PABIR3: variants seen among roughly 807,000 people sequenced by gnomAD.
PABIR3 encodes PABIR family member 1.
Under a neutral mutation model 23.1 loss-of-function variants are expected in PABIR3, and 20 were observed. That is an observed-to-expected ratio of 0.86 (90% CI 0.61 to 1.26). PABIR3 has a LOEUF of 1.26. Ranked by LOEUF, PABIR3 falls within the 50% of genes most tolerant of loss-of-function variation. The probability of loss-of-function intolerance (pLI) is 0.00; values close to 1 mark genes in which losing one functional copy is unlikely to be tolerated. For synonymous variants in PABIR3, 69 were observed against 68.5 expected, an observed-to-expected ratio of 1.01 and a Z score of -0.04; for missense variants, 189 against 195.4, an observed-to-expected ratio of 0.97 and a Z score of 0.20.
In PABIR3 at chrX:134,810,460, A is replaced by G; in HGVS notation, c.110+2752A>G. 5.3e-6 allele frequency: 4 copies of G among 754,548 alleles called. No homozygotes were observed. The South Asian group carries it at 2.7e-4, about 51-fold the overall frequency. 62.2% of individuals were successfully genotyped at this position (754,548 alleles called of 1,213,427 possible). A position where few individuals can be genotyped will look rare whatever the true frequency, so the allele number is the denominator to read the frequency against. Reference sequence around the variant, plus strand: ...AGAAACCACAAAGTGGACGGAGTCCAGGGACTCTAGTCTGTCAGAAAGAAG... The same window carrying G: ...AGAAACCACAAAGTGGACGGAGTCCGGGGACTCTAGTCTGTCAGAAAGAAG... On this transcript the variant is annotated intron_variant, in intron 2 of 10. Transcript: ENST00000645433.
chrX:134,828,047 C>CTCTA (rs1466733144), intron 3 of PABIR3, among the ~76,000 whole-genome samples: 932 of 49,390 alleles, frequency 0.019, 9 homozygotes, highest in Non-Finnish European at 0.021. Flanking sequence ...CTCTCTCTCT[C>CTCTA]TATATATATA....
intron 6 of PABIR3, among the ~76,000 whole-genome samples, chrX:134,846,609 C>A (rs1396206339): frequency 8.9e-6 from 1 of 111,927 alleles, no homozygotes; most frequent in Non-Finnish European, 1.9e-5. Context: ...GGAAATGGAT[C>A]ATCAGCAGAA....
chrX:134,818,810 A>G (rs1234610465), intron 3 of PABIR3, among the ~76,000 whole-genome samples: 1 of 110,865 alleles, frequency 9.0e-6, no homozygotes. Context: ...CTCAATAAAT[A>G]TGTGGGTTTT....
chrX:134,847,943 A>C lies in PABIR3; in HGVS notation c.499A>C (p.Ile167Leu). The change falls in exon 8 of 11, where the codon ATT becomes CTT. Residue 167 changes from isoleucine to leucine, a missense_variant. By Grantham distance (5) the Ile-to-Leu change is conservative (BLOSUM62 2). Coordinates refer to ENST00000645433, the MANE Select transcript of PABIR3 (RefSeq NM_001388447.1). ...TTGCACTGGTTCGCCTTCAAGTCCTATTCCCAGTCCTATGCAACAATACAT... is the reference window on the plus strand; with the variant it reads ...TTGCACTGGTTCGCCTTCAAGTCCTCTTCCCAGTCCTATGCAACAATACAT... ...VSCTGSPSSP[I>L]PSPMQQYIIR... is the part of the protein sequence containing the mutation. 1 of 1,153,980 alleles carries C rather than the reference A, an allele frequency of 8.7e-7. No homozygotes were observed. Among genetic ancestry groups the C allele is most frequent in the Non-Finnish European group, 1.1e-6 (1 of 871,189 alleles).
chrX:134,831,808 C>T (rs2081792959), intron 4 of PABIR3: 1 of 110,879 alleles, frequency 9.0e-6, no homozygotes, highest in Non-Finnish European at 1.9e-5. Context: ...CTATAGTCAC[C>T]CTGTTGTGCT....
At chrX:134,818,477 G>A (rs1199885783) in intron 3 of PABIR3, among the ~76,000 whole-genome samples, 1 of 111,785 alleles carries the variant, frequency 8.9e-6, no homozygotes, top group East Asian at 2.8e-4. Flanking sequence ...ACAAGGAAAA[G>A]TAGTAAGTCA....
At chrX:134,800,251 A>G (rs1173491725) in intron 1 of PABIR3, among the ~76,000 whole-genome samples, 1 of 107,289 alleles carries the variant, frequency 9.3e-6, no homozygotes, top group East Asian at 2.9e-4. Flanking sequence ...CAGTGAGTTG[A>G]GATCACACCA....
the PABIR3 span, among the ~76,000 whole-genome samples, chrX:134,863,791 T>G: frequency 9.0e-6 from 1 of 111,631 alleles, no homozygotes; most frequent in Non-Finnish European, 1.9e-5. Context: ...TTATTCTTTT[T>G]GCCATTCCTC....
At chrX:134,834,157 C>A (rs754127503) in intron 4 of PABIR3, 6 of 112,275 alleles carry the variant, frequency 5.3e-5, no homozygotes, top group Non-Finnish European at 7.5e-5. Context: ...GTTCCTATTT[C>A]TCCACAGCCT....
rs1430532407 is a variant in PABIR3, at chrX:134,854,187, A to G, written c.783A>G (p.Ser261=). The change falls in exon 11 of 11, where the codon TCA becomes TCG. Residue 261 remains serine (S), a synonymous_variant. Transcript: ENST00000645433. The part of the protein sequence containing the change: ...EIGTVTNSPV[S]PSDTGSHLF ...GCACTGTCACAAACTCTCCTGTGTC[A>G]CCTTCTGATACTGGTTCTCATTTGT... 1 of 1,208,502 alleles carries G rather than the reference A, an allele frequency of 8.3e-7. No individual in the cohort carries two copies. The highest frequency in any genetic ancestry group is 1.1e-6 in the Non-Finnish European group (1 of 894,587).
upstream of PABIR3, chrX:134,807,078 G>A (rs2080278241): frequency 1.3e-5 from 8 of 618,629 alleles, no homozygotes; most frequent in Non-Finnish European, 1.5e-5. Flanking sequence ...GGGATAAAGC[G>A]GTTTCTTAAC....
intron 4 of PABIR3, among the ~76,000 whole-genome samples, chrX:134,830,775 T>C (rs1421921067): frequency 8.9e-6 from 1 of 111,788 alleles, no homozygotes; most frequent in Non-Finnish European, 1.9e-5. Context: ...TCTTTGCTTC[T>C]CCTAAATTAA....
chrX:134,863,552 C>A, the PABIR3 span, among the ~76,000 whole-genome samples: 56 of 111,526 alleles, frequency 5.0e-4, 1 homozygote, highest in Admixed American at 1.7e-3. Flanking sequence ...GTCGTTGGTA[C>A]CAGTTTTTCT....
intron 2 of PABIR3, among the ~76,000 whole-genome samples, chrX:134,812,572 T>C: frequency 1.8e-5 from 2 of 111,557 alleles, no homozygotes; most frequent in Non-Finnish European, 3.8e-5. Flanking sequence ...CTTAAATATA[T>C]GGTAGAGTAA....
At chrX:134,828,133 A>G (rs1335940277) in intron 3 of PABIR3, among the ~76,000 whole-genome samples, 10 of 104,051 alleles carry the variant, frequency 9.6e-5, no homozygotes, top group Admixed American at 4.3e-4. Flanking sequence ...CCTGGCCTCA[A>G]GTGATCCTCT....
At chrX:134,826,956 G>GTATTTATT (rs748703212) in intron 3 of PABIR3, among the ~76,000 whole-genome samples, 2 of 111,341 alleles carry the variant, frequency 1.8e-5, no homozygotes, top group Non-Finnish European at 3.8e-5. Context: ...TTTTATGTAT[G>GTATTTATT]TATTTATTTA....
At chrX:134,802,531 TG>T (rs772916424), upstream of PABIR3, among the ~76,000 whole-genome samples, 125 of 112,088 alleles carry the variant, frequency 1.1e-3, no homozygotes, top group African/African-American at 3.8e-3. Context: ...AGGACCAGAA[TG>T]GGGAGACTCA....
chrX:134,845,273 A>G, intron 5 of PABIR3, 25 bp downstream of exon 5: 1 of 1,181,986 alleles, frequency 8.5e-7, no homozygotes, highest in African/African-American at 1.8e-5. Flanking sequence ...TTGAATTACT[A>G]TTCTGATAAT....
Position 134,852,840 on chromosome X carries a change from A to G in PABIR3, c.630A>G (p.Gln210=). The G allele has an allele frequency of 8.8e-7, 1 of 1,140,465 alleles. No individual in the cohort carries two copies. The highest frequency in any genetic ancestry group is 1.2e-6 in the Non-Finnish European group (1 of 865,614). 94.0% of individuals were successfully genotyped at this position (1,140,465 alleles called of 1,213,427 possible). Residue 210 remains glutamine (Q), a synonymous_variant, in exon 10 of 11, where the codon CAA becomes CAG. Transcript: ENST00000645433. Reference sequence around the variant, plus strand: ...AATATCAACCAAAAAAGATTTTCCAAGGCACAACCAACATGCTTTCTTCTG... The same window carrying G: ...AATATCAACCAAAAAAGATTTTCCAGGGCACAACCAACATGCTTTCTTCTG... ...AFQYQPKKIF[Q]GTTNMLSSDT... is the part of the protein sequence containing the mutation.
Sources: gnomAD v4.1 joint callset for allele counts (sites outside exome capture counted in the v4.1 genomes callset) on GRCh38, gnomAD v4.1.1 for gene constraint, MANE v1.5 for transcripts, NCBI Gene and HGNC (gene_info 2026-07-23, HGNC 2026-07-21) for gene names.